The following CD6 variants were observed in gnomAD, a reference collection of about 807,000 sequenced individuals.
CD6 encodes CD6 molecule.
Under a neutral mutation model 75.3 loss-of-function variants are expected in CD6, and 53 were observed. The ratio of observed to expected loss-of-function variants is 0.70; its 90% CI spans 0.56 to 0.88. CD6 has a LOEUF of 0.88. Among genes scored for constraint, CD6 ranks in the 40% least tolerant of loss-of-function variants. CD6 has a pLI of 0.00. For synonymous variants in CD6, 359 were observed against 381.5 expected, an observed-to-expected ratio of 0.94 and a Z score of 0.69; for missense variants, 770 against 897.1, an observed-to-expected ratio of 0.86 and a Z score of 1.81.
At chr11:60,998,831 T>G (rs1858428664) in intron 1 of CD6, among the ~76,000 whole-genome samples, 1 of 125,208 alleles carries the variant, frequency 8.0e-6, no homozygotes, top group Non-Finnish European at 1.6e-5. Flanking sequence ...TTTGAAAAAA[T>G]TAGAACAACA....
At position 61,007,467 on chromosome 11, in the gene CD6, T is replaced by A; in HGVS notation, c.119-93T>A. The A allele has an allele frequency of 1.0e-6, 1 of 997,268 alleles. No homozygotes were observed. Among genetic ancestry groups the A allele is most frequent in the Non-Finnish European group, 1.4e-6 (1 of 734,564 alleles). 61.8% of individuals were successfully genotyped at this position (997,268 alleles called of 1,614,324 possible). A position where few individuals can be genotyped will look rare whatever the true frequency, so the allele number is the denominator to read the frequency against. On this transcript the variant is annotated intron_variant, in intron 2 of 12. Transcript: ENST00000313421. This position sits in a 1 kb window ranked among gnomAD's most constrained non-coding sequence, Gnocchi z 4.2. The stretch of plus-strand genomic sequence containing the variant: ...CTGAGACCCCTAGCCAGGCAGGGCG[T>A]TGTCAAAGTTCACGCACAGAGTCAG...
chr11:60,995,145 TTC>T (rs1858239543), intron 1 of CD6, among the ~76,000 whole-genome samples: 1 of 151,910 alleles, frequency 6.6e-6, no homozygotes, highest in African/African-American at 2.4e-5. Flanking sequence ...TTCTTTTTCT[TTC>T]TTTCTTTTCT....
chr11:61,013,612 C>T, intron 7 of CD6, 49 bp downstream of exon 7: 4 of 1,596,700 alleles, frequency 2.5e-6, no homozygotes, highest in African/African-American at 2.7e-5. Context: ...GGATGTGAGC[C>T]TTGGCAGAAC....
Position 61,018,298 on chromosome 11 carries a change from C to T in CD6, c.1847C>T (p.Pro616Leu), listed in dbSNP as rs761077030. 3.1e-6 allele frequency: 5 copies of T among 1,600,744 alleles called. No homozygotes were observed. Among genetic ancestry groups the T allele is most frequent in the Non-Finnish European group, 3.4e-6 (4 of 1,173,912 alleles). ...TTCTGGGGGTTTCCAGCAGGGCCCC[C>T]GGCTGATGACAGCTCCAGCACCTCA... ...GTQPAFSAGPPADDSSSTSSG... is the reference protein window; with the variant it reads ...GTQPAFSAGPLADDSSSTSSG... The change falls in exon 12 of 13, where the codon CCG (proline) becomes CTG (leucine). Residue 616 changes from proline (P) to leucine (L), a missense_variant. Coordinates refer to ENST00000313421, the MANE Select transcript of CD6 (RefSeq NM_006725.5).
intron 11 of CD6, 135 bp downstream of exon 11, chr11:61,018,148 C>A: frequency 7.7e-7 from 1 of 1,296,962 alleles, no homozygotes; most frequent in South Asian, 1.4e-5. Context: ...CCCTTGGACA[C>A]ATCTCCCATC....
chr11:61,002,268 G>A (rs1038444415), intron 1 of CD6, among the ~76,000 whole-genome samples: 2 of 152,148 alleles, frequency 1.3e-5, no homozygotes, highest in Non-Finnish European at 2.9e-5. Flanking sequence ...AAAATCTGCA[G>A]TGGACTGGGT....
intron 6 of CD6, among the ~76,000 whole-genome samples, chr11:61,012,955 C>G (rs1859215725): frequency 6.6e-6 from 1 of 152,170 alleles, no homozygotes; most frequent in Non-Finnish European, 1.5e-5. Context: ...GGCCTCATGC[C>G]CCCAGTGTCG....
chr11:61,019,173 G>T (rs1590733592), intron 12 of CD6, 81 bp from the exon 13 acceptor site: 2 of 1,068,480 alleles, frequency 1.9e-6, no homozygotes, highest in Non-Finnish European at 1.4e-6. Flanking sequence ...GTGATGTGGA[G>T]CCAGAACCAC....
chr11:61,000,111 A>C (rs917922075), intron 1 of CD6, among the ~76,000 whole-genome samples: 11 of 152,088 alleles, frequency 7.2e-5, no homozygotes, highest in African/African-American at 2.7e-4. Flanking sequence ...AGCACATCAC[A>C]GCATTCTGGG....
In CD6 at chr11:61,010,856, A is replaced by T. The variant is rs147076768; in HGVS notation, c.1085-214A>T. Among the ~76,000 whole-genome samples, 342 of 151,942 alleles carry T rather than the reference A, an allele frequency of 2.3e-3. 3 individuals carry two copies. Among genetic ancestry groups the T allele is most frequent in the African/African-American group, 8.1e-3 (338 of 41,502 alleles). On this transcript the variant is annotated intron_variant, in intron 5 of 12. Coordinates refer to ENST00000313421, the MANE Select transcript of CD6 (RefSeq NM_006725.5). Reference sequence around the variant, plus strand: ...TTCTATTAGCCCTTTATTTTAACCAAAGAGCCTTCCCAGCATTTAATCCAT... The same window carrying T: ...TTCTATTAGCCCTTTATTTTAACCATAGAGCCTTCCCAGCATTTAATCCAT...
intron 1 of CD6, among the ~76,000 whole-genome samples, chr11:61,005,328 A>G (rs1175211114): frequency 6.6e-6 from 1 of 152,228 alleles, no homozygotes; most frequent in Non-Finnish European, 1.5e-5. Flanking sequence ...AATGTCCTTC[A>G]CATGAGGGAC....
intron 1 of CD6, among the ~76,000 whole-genome samples, chr11:60,988,774 C>T (rs1361088901): frequency 6.6e-6 from 1 of 152,188 alleles, no homozygotes; most frequent in Non-Finnish European, 1.5e-5. Context: ...GGAGGATTTT[C>T]ACCCCTTGCC....
chr11:61,018,426 G>T, intron 12 of CD6, 33 bp downstream of exon 12: 1 of 1,462,232 alleles, frequency 6.8e-7, no homozygotes, highest in Non-Finnish European at 9.4e-7. Flanking sequence ...TGTGGGAGGG[G>T]GACAGAGAGG....
Position 61,011,155 on chromosome 11 carries a change from A to G in CD6, c.1150+20A>G, listed in dbSNP as rs759429483. ...CTATAGGTAAGTGTTGCTGGGTACT[A>G]CGCGGTTTCTCAGAAGCTTGGACGT... is the stretch of plus-strand genomic sequence containing the variant. On this transcript the variant is annotated intron_variant, in intron 6 of 12. Coordinates refer to ENST00000313421, the MANE Select transcript of CD6 (RefSeq NM_006725.5). 2.5e-6 allele frequency: 4 copies of G among 1,587,334 alleles called. No individual in the cohort carries two copies. Among genetic ancestry groups the G allele is most frequent in the East Asian group, 2.3e-5 (1 of 43,956 alleles).
intron 1 of CD6, among the ~76,000 whole-genome samples, chr11:60,996,443 A>C (rs576974371): frequency 2.6e-5 from 4 of 152,364 alleles, no homozygotes; most frequent in Admixed American, 2.0e-4. Flanking sequence ...ATCCCAGTCC[A>C]GCTTCCCGGC....
Position 61,019,270 on chromosome 11 carries a change from G to A in CD6, c.1959G>A (p.Gln653=), listed in dbSNP as rs1293333361. 6.2e-7 allele frequency: 1 copy of A among 1,611,200 alleles called. No homozygotes were observed. The highest frequency in any genetic ancestry group is 8.5e-7 in the Non-Finnish European group (1 of 1,179,816). The change falls in exon 13 of 13, where the codon CAG becomes CAA. Residue 653 remains glutamine (Q), a synonymous_variant. Coordinates refer to ENST00000313421, the MANE Select transcript of CD6 (RefSeq NM_006725.5). ...TGCCCACAGGGTCCCCCAGCCCTCA[G>A]CCTGACTCCACCGACAACGATGACT... ...QFGCPGSPSP[Q]PDSTDNDDYD...
chr11:60,986,549 T>A (rs1857822774), intron 1 of CD6, among the ~76,000 whole-genome samples: 2 of 152,234 alleles, frequency 1.3e-5, no homozygotes, highest in Non-Finnish European at 2.9e-5. Context: ...GTCACCTGCA[T>A]CTGTGGGGGC....
Position 61,009,850 on chromosome 11 carries a change from CT to C in CD6, c.1061del (p.Leu354ArgfsTer30). 6.4e-7 allele frequency: 1 copy of C among 1,565,910 alleles called. No individual in the cohort carries two copies. Among genetic ancestry groups the C allele is most frequent in the Non-Finnish European group, 8.7e-7 (1 of 1,153,766 alleles). On this transcript the variant is annotated frameshift_variant, in exon 5 of 13. Transcript: ENST00000313421. LOFTEE classifies it high-confidence loss of function. ...CAACTCCAACCTCTGCAGCCAGTCG[CT>C]GGCAGCCAGGGTCCTCTGCTCAGGT... is the stretch of plus-strand genomic sequence containing the variant. ...FNNSNLCSQS[L>X]AARVLCSASR...
At chr11:60,986,792 A>T (rs1432123570) in intron 1 of CD6, among the ~76,000 whole-genome samples, 2 of 152,086 alleles carry the variant, frequency 1.3e-5, no homozygotes, top group Admixed American at 1.3e-4. Flanking sequence ...GGTTTAGTTT[A>T]CTAGAGTTGC....
Sources: allele counts gnomAD v4.1 joint callset (sites outside exome capture counted in the v4.1 genomes callset), GRCh38; gene constraint gnomAD v4.1.1; non-coding constraint Gnocchi (gnomAD v3.1); transcripts MANE v1.5; gene names NCBI Gene and HGNC (gene_info 2026-07-23, HGNC 2026-07-21).